Variants in LAMP1 observed in about 807,000 individuals in gnomAD.
LAMP1 encodes lysosome associated membrane protein 1, also known as lysosome-associated membrane glycoprotein 1.
LAMP1 carries 7 observed loss-of-function variants against 37.5 expected under a neutral mutation model. That is an observed-to-expected ratio of 0.19 (90% CI 0.11 to 0.35). The LOEUF (loss-of-function observed/expected upper bound fraction) is 0.35, where lower values mean the gene tolerates loss of function less well. Ranked by LOEUF, LAMP1 falls within the 10% of genes least tolerant of loss-of-function variation. LAMP1 has a pLI of 1.00. For synonymous variants in LAMP1, 236 were observed against 229.1 expected (o/e 1.03, Z -0.27); for missense variants, 537 against 552.8 (o/e 0.97, Z 0.29).
intron 4 of LAMP1, among the ~76,000 whole-genome samples, chr13:113,318,969 C>T (rs2042681978): frequency 6.6e-6 from 1 of 152,364 alleles, no homozygotes; most frequent in South Asian, 2.1e-4. Flanking sequence ...CTCTGTTTCC[C>T]TCTGGGTAGT....
intron 4 of LAMP1, among the ~76,000 whole-genome samples, chr13:113,312,855 G>A (rs2042637785): frequency 6.6e-6 from 1 of 152,152 alleles, no homozygotes; most frequent in Non-Finnish European, 1.5e-5. Flanking sequence ...ACTTCAGCTA[G>A]GGGCAGTGCT....
At chr13:113,319,946 A>T (rs141893994) in intron 5 of LAMP1, among the ~76,000 whole-genome samples, 151 of 152,348 alleles carry the variant, frequency 9.9e-4, no homozygotes, top group African/African-American at 3.4e-3. Context: ...ATAGAACCTA[A>T]GTTTTCTTTA....
At chr13:113,315,641 A>G (rs2139371347) in intron 4 of LAMP1, among the ~76,000 whole-genome samples, 1 of 151,176 alleles carries the variant, frequency 6.6e-6, no homozygotes, top group South Asian at 2.1e-4. Context: ...TGCTGGGATT[A>G]TAGGTGTGAG....
At chr13:113,315,353 G>A (rs1372654797) in intron 4 of LAMP1, among the ~76,000 whole-genome samples, 2 of 151,074 alleles carry the variant, frequency 1.3e-5, no homozygotes, top group East Asian at 3.9e-4. Flanking sequence ...CCTGGGTGGC[G>A]CTTCACCAGA....
chr13:113,311,595 C>G (rs1212056475), intron 4 of LAMP1, among the ~76,000 whole-genome samples: 1 of 152,190 alleles, frequency 6.6e-6, no homozygotes, highest in Non-Finnish European at 1.5e-5. Flanking sequence ...CCAACGCTGC[C>G]TCTCTGAGGA....
At chr13:113,317,696 CTTTTTT>C (rs1223185402) in intron 4 of LAMP1, among the ~76,000 whole-genome samples, 3 of 133,420 alleles carry the variant, frequency 2.2e-5, no homozygotes, top group African/African-American at 8.4e-5. Flanking sequence ...CGTGAAGCTG[CTTTTTT>C]TTTTTTTTTT....
intron 1 of LAMP1, chr13:113,305,490 T>C (rs2042593891): frequency 6.6e-6 from 1 of 151,568 alleles, no homozygotes; most frequent in Non-Finnish European, 1.5e-5. Context: ...GTCTCTACCG[T>C]AGTGATCAGA....
At chr13:113,301,638 AAAAAAAATATAT>A (rs1407078361) in intron 1 of LAMP1, among the ~76,000 whole-genome samples, 4 of 28,942 alleles carry the variant, frequency 1.4e-4, no homozygotes, top group African/African-American at 3.7e-4. Context: ...AAAAAAAAAA[AAAAAAAATATAT>A]ATATATATAT....
intron 1 of LAMP1, among the ~76,000 whole-genome samples, chr13:113,301,643 AAATATATATATATATAT>A (rs1480749837): frequency 3.3e-3 from 16 of 4,854 alleles, no homozygotes; most frequent in African/African-American, 0.014. Context: ...AAAAAAAAAA[AAATATATATATATATAT>A]ATATATATAT....
intron 1 of LAMP1, among the ~76,000 whole-genome samples, chr13:113,299,020 A>G (rs1024193885): frequency 1.3e-5 from 2 of 152,136 alleles, no homozygotes; most frequent in African/African-American, 4.8e-5. Context: ...CACGCCTGTA[A>G]TCCCAGCTAC....
chr13:113,298,694 A>T (rs540936897), intron 1 of LAMP1, among the ~76,000 whole-genome samples: 2 of 152,368 alleles, frequency 1.3e-5, no homozygotes, highest in South Asian at 4.1e-4. Flanking sequence ...TTCCAATAGT[A>T]AGCCTGAAGC....
intron 1 of LAMP1, among the ~76,000 whole-genome samples, chr13:113,302,006 G>T (rs1347218610): frequency 1.3e-5 from 2 of 151,458 alleles, no homozygotes; most frequent in African/African-American, 4.9e-5. Context: ...GGGATTACAG[G>T]CATGCGCCAC....
chr13:113,299,415 C>T (rs968423011), intron 1 of LAMP1, among the ~76,000 whole-genome samples: 6 of 151,770 alleles, frequency 4.0e-5, no homozygotes, highest in African/African-American at 1.4e-4. Flanking sequence ...CAGGCACCCG[C>T]CACTATGCTA....
At chr13:113,298,179 T>C (rs1049292867) in intron 1 of LAMP1, among the ~76,000 whole-genome samples, 1 of 152,134 alleles carries the variant, frequency 6.6e-6, no homozygotes, top group African/African-American at 2.4e-5. Flanking sequence ...TCATGTCTAG[T>C]AAGTAGTTTA....
chr13:113,300,486 C>CAAAAAAAAAAAAAA (rs781688099), intron 1 of LAMP1, among the ~76,000 whole-genome samples: 1 of 60,248 alleles, frequency 1.7e-5, no homozygotes, highest in Non-Finnish European at 3.6e-5. Context: ...AACTCAATGT[C>CAAAAAAAAAAAAAA]AAAAAAAAAA....
intron 1 of LAMP1, 119 bp from the exon 2 acceptor site, chr13:113,306,366 A>AAT (rs2042598320): frequency 9.9e-6 from 12 of 1,213,082 alleles, no homozygotes; most frequent in Non-Finnish European, 1.4e-5. Context: ...AAAAAAAAAA[A>AAT]GAGAAACAGT....
intron 2 of LAMP1, among the ~76,000 whole-genome samples, chr13:113,307,627 G>A (rs2042606777): frequency 6.6e-6 from 1 of 152,080 alleles, no homozygotes; most frequent in Admixed American, 6.6e-5. Flanking sequence ...TGCAAGAAAT[G>A]TATATAAATG....
intron 1 of LAMP1, among the ~76,000 whole-genome samples, chr13:113,301,640 A>T (rs867947521): frequency 4.0e-5 from 3 of 75,100 alleles, no homozygotes; most frequent in African/African-American, 2.5e-4. Context: ...AAAAAAAAAA[A>T]AAAAATATAT....
rs759831383 is a variant in LAMP1 at position 113,320,306 on chromosome 13, C to A, written c.751-39C>A. The A allele has an allele frequency of 1.2e-5, 20 of 1,612,254 alleles. No individual in the cohort carries two copies. Among genetic ancestry groups the A allele is most frequent in the Non-Finnish European group, 1.6e-5 (19 of 1,178,766 alleles). ...TTGTCTTTTCGAGAGTGTGGAGGACCTGAGCTAGGGTGGTGACTTGCTTGC... is the reference window on the plus strand; with the variant it reads ...TTGTCTTTTCGAGAGTGTGGAGGACATGAGCTAGGGTGGTGACTTGCTTGC... On this transcript the variant is annotated intron_variant, in intron 5 of 8. Coordinates refer to ENST00000332556, the MANE Select transcript of LAMP1 (RefSeq NM_005561.4). The surrounding 1 kb of genome is among the most constrained non-coding windows in gnomAD (Gnocchi z 4.4).
Sources: allele counts gnomAD v4.1 joint callset (sites outside exome capture counted in the v4.1 genomes callset), GRCh38; gene constraint gnomAD v4.1.1; non-coding constraint Gnocchi (gnomAD v3.1); transcripts MANE v1.5; gene names NCBI Gene and HGNC (gene_info 2026-07-23, HGNC 2026-07-21).